Variants in COBL observed in about 807,000 individuals in gnomAD.
COBL encodes the protein protein cordon-bleu.
A neutral mutation model predicts 98.8 loss-of-function variants in COBL; 51 were observed. The ratio of observed to expected loss-of-function variants is 0.52; its 90% CI spans 0.41 to 0.65. The LOEUF is 0.65. Among genes scored for constraint, COBL ranks in the 30% least tolerant of loss-of-function variants. COBL has a pLI of 0.00. For synonymous variants in COBL, 634 were observed against 651.7 expected (o/e 0.97, Z 0.41); for missense variants, 1,617 against 1,617.5 (o/e 1.00, Z 0.01).
intron 4 of COBL, chr7:51,188,071 T>C (rs1049575293): frequency 1.2e-6 from 1 of 843,086 alleles, no homozygotes. Flanking sequence ...GCTGCAGCAG[T>C]GAGAAGGTCT....
intron 8 of COBL, among the ~76,000 whole-genome samples, chr7:51,039,949 CT>C (rs1238596029): frequency 6.6e-6 from 1 of 152,184 alleles, no homozygotes; most frequent in African/African-American, 2.4e-5. Context: ...GGGCTGCTCT[CT>C]TTAGAGAAAG....
At chr7:51,137,721 G>A (rs1046183332) in intron 5 of COBL, among the ~76,000 whole-genome samples, 10 of 152,168 alleles carry the variant, frequency 6.6e-5, no homozygotes, top group Non-Finnish European at 1.2e-4. Context: ...AATTATCACT[G>A]ATTTTTACTG....
chr7:51,302,226 G>C (rs750703564), intron 1 of COBL, among the ~76,000 whole-genome samples: 8 of 152,218 alleles, frequency 5.3e-5, no homozygotes, highest in Non-Finnish European at 1.2e-4. Context: ...TAGCAGTTAA[G>C]TTTTGTAAGA....
chr7:51,085,135 G>C, intron 7 of COBL, 31 bp downstream of exon 7: 1 of 1,612,998 alleles, frequency 6.2e-7, no homozygotes, highest in Non-Finnish European at 8.5e-7. Context: ...AAGCATCCCC[G>C]CATGCAGACG....
intron 8 of COBL, among the ~76,000 whole-genome samples, chr7:51,038,008 C>T (rs1254692317): frequency 2.0e-5 from 3 of 152,174 alleles, no homozygotes; most frequent in East Asian, 1.9e-4. Flanking sequence ...CCCAACAGCA[C>T]GCCTGGCTAT....
At chr7:51,178,186 A>C (rs144820272) in intron 5 of COBL, among the ~76,000 whole-genome samples, 8,944 of 151,940 alleles carry the variant, frequency 0.059, 309 homozygotes, top group Middle Eastern at 0.13. Flanking sequence ...CTCTCTATAT[A>C]TATATATATA....
intron 6 of COBL, among the ~76,000 whole-genome samples, chr7:51,099,706 T>C (rs1439291202): frequency 6.6e-6 from 1 of 151,986 alleles, no homozygotes; most frequent in Non-Finnish European, 1.5e-5. Context: ...TGATTAAGAT[T>C]ATACATTTCA....
intron 1 of COBL, among the ~76,000 whole-genome samples, chr7:51,258,192 T>C (rs1337667303): frequency 6.6e-6 from 1 of 152,242 alleles, no homozygotes; most frequent in African/African-American, 2.4e-5. Flanking sequence ...AACTCTTCAA[T>C]GAATGGTTAA....
chr7:51,159,525 T>C (rs1197008482), intron 5 of COBL, among the ~76,000 whole-genome samples: 1 of 152,222 alleles, frequency 6.6e-6, no homozygotes, highest in Non-Finnish European at 1.5e-5. Flanking sequence ...ATTCTTGTTT[T>C]ATACTTGTCT....
intron 1 of COBL, among the ~76,000 whole-genome samples, chr7:51,268,950 A>T (rs1798490514): frequency 6.6e-6 from 1 of 151,518 alleles, no homozygotes; most frequent in Non-Finnish European, 1.5e-5. Flanking sequence ...AAAAAAAAAA[A>T]AAAATTCAGG....
Position 51,056,812 on chromosome 7 carries a change from AACACAC to A in COBL, c.1097-13126_1097-13121del, listed in dbSNP as rs3047115. Among the ~76,000 whole-genome samples the A allele has an allele frequency of 1.6e-3, 225 of 143,680 alleles. 3 individuals are homozygous for A. Among genetic ancestry groups the A allele is most frequent in the African/African-American group, 4.3e-3 (169 of 38,918 alleles). The allele number at this position is 143,680 out of a possible 152,430, so 94.3% of individuals were successfully genotyped here. The stretch of plus-strand genomic sequence containing the variant: ...CTATGCTTGTATACAGTGCTCTCCC[AACACAC>A]ACACACACACACACACACACACACA... On this transcript the variant is annotated intron_variant, in intron 7 of 12. Coordinates refer to ENST00000265136, the MANE Select transcript of COBL (RefSeq NM_015198.5).
At chr7:51,293,154 T>G (rs1049809355) in intron 1 of COBL, among the ~76,000 whole-genome samples, 20 of 152,260 alleles carry the variant, frequency 1.3e-4, no homozygotes, top group Non-Finnish European at 2.5e-4. Flanking sequence ...TTGTTTGCTT[T>G]GTTTTGTTTT....
chr7:51,184,280 G>A, intron 4 of COBL, 81 bp from the exon 5 acceptor site: 1 of 759,364 alleles, frequency 1.3e-6, no homozygotes, highest in South Asian at 2.0e-5. Context: ...CTTAATAAAT[G>A]AATCCTCTAC....
chr7:51,068,586 A>G (rs1792204875), intron 7 of COBL, among the ~76,000 whole-genome samples: 1 of 152,230 alleles, frequency 6.6e-6, no homozygotes, highest in African/African-American at 2.4e-5. Context: ...CAGATTAAAA[A>G]TGATGACTAA....
intron 1 of COBL, among the ~76,000 whole-genome samples, chr7:51,223,387 A>C (rs1480729736): frequency 1.3e-5 from 2 of 152,250 alleles, no homozygotes; most frequent in African/African-American, 4.8e-5. Context: ...TGATGCCTGG[A>C]CATCTTCACA....
At chr7:51,051,835 C>T (rs966385171) in intron 7 of COBL, among the ~76,000 whole-genome samples, 7 of 145,010 alleles carry the variant, frequency 4.8e-5, no homozygotes, top group Admixed American at 4.1e-4. Flanking sequence ...AGCCACAATG[C>T]TGGCTTTGGC....
chr7:51,280,997 A>G (rs1799775163), intron 1 of COBL, among the ~76,000 whole-genome samples: 1 of 152,248 alleles, frequency 6.6e-6, no homozygotes, highest in Non-Finnish European at 1.5e-5. Flanking sequence ...CAAAATGTCT[A>G]GGAAATAATA....
chr7:51,037,086 C>T (rs1290421196), intron 8 of COBL, among the ~76,000 whole-genome samples: 2 of 152,164 alleles, frequency 1.3e-5, no homozygotes, highest in Non-Finnish European at 2.9e-5. Flanking sequence ...CTCTTATATA[C>T]ACATACATGC....
intron 1 of COBL, among the ~76,000 whole-genome samples, chr7:51,238,901 C>T (rs974394516): frequency 6.6e-6 from 1 of 152,238 alleles, no homozygotes; most frequent in African/African-American, 2.4e-5. Context: ...CTCCACCCAG[C>T]TACAGATGCC....
Sources: gnomAD v4.1 joint callset for allele counts (sites outside exome capture counted in the v4.1 genomes callset) on GRCh38, gnomAD v4.1.1 for gene constraint, MANE v1.5 for transcripts, NCBI Gene and HGNC (gene_info 2026-07-23, HGNC 2026-07-21) for gene names.